The following NRDC variants were observed in gnomAD, a reference collection of about 807,000 sequenced individuals.
NRDC encodes nardilysin convertase.
NRDC carries 54 observed loss-of-function variants against 147.1 expected under a neutral mutation model. The ratio of observed to expected loss-of-function variants is 0.37; its 90% CI spans 0.29 to 0.46. The LOEUF is 0.46. Ranked by LOEUF, NRDC falls within the 20% of genes least tolerant of loss-of-function variation. NRDC has a pLI of 1.00. For missense variants in NRDC, 1,082 were observed against 1,370.6 expected (o/e 0.79, Z 3.33); for synonymous variants, 440 against 482.1 (o/e 0.91, Z 1.14).
At chr1:51,806,479 G>A (rs1024628572) in intron 18 of NRDC, among the ~76,000 whole-genome samples, 2 of 152,114 alleles carry the variant, frequency 1.3e-5, no homozygotes, top group African/African-American at 4.8e-5. Flanking sequence ...GGATTTCTGT[G>A]ACAGCATAGG....
chr1:51,830,234 A>G (rs796854561), intron 4 of NRDC, among the ~76,000 whole-genome samples: 3 of 152,278 alleles, frequency 2.0e-5, no homozygotes, highest in African/African-American at 7.2e-5. Flanking sequence ...AAGTGCTGAG[A>G]TTACAGGCAT....
intron 25 of NRDC, 131 bp downstream of exon 25, chr1:51,792,246 A>G: frequency 3.0e-6 from 4 of 1,324,832 alleles, no homozygotes; most frequent in Non-Finnish European, 4.3e-6. Context: ...GGGTGAGAAC[A>G]GTAAATGACC....
chr1:51,825,963 A>G (rs1187933685), intron 5 of NRDC, among the ~76,000 whole-genome samples: 2 of 152,220 alleles, frequency 1.3e-5, no homozygotes, highest in African/African-American at 4.8e-5. Flanking sequence ...TCATGAATGG[A>G]TTAGTCCCTT....
rs1680139550 is a variant in NRDC, at chr1:51,819,953, G to A, written c.1218-80C>T. ...TATCTTTAGGGATATCTAACTGAGAGATATTTATAATCTATTCTACATACT... is the reference window on the plus strand; with the variant it reads ...TATCTTTAGGGATATCTAACTGAGAAATATTTATAATCTATTCTACATACT... On this transcript the variant is annotated intron_variant, in intron 8 of 30. Coordinates refer to ENST00000352171, the MANE Select transcript of NRDC (RefSeq NM_001101662.2). The A allele has an allele frequency of 2.8e-6, 3 of 1,055,962 alleles. No homozygotes were observed. The Admixed American group carries it at 6.2e-5, about 22-fold the overall frequency. 65.4% of individuals were successfully genotyped at this position (1,055,962 alleles called of 1,614,324 possible). A position where few individuals can be genotyped will look rare whatever the true frequency, so the allele number is the denominator to read the frequency against.
chr1:51,836,414 T>C (rs1403875348), intron 2 of NRDC: 1 of 1,613,874 alleles, frequency 6.2e-7, no homozygotes. Flanking sequence ...CTTGCCATCC[T>C]GCCAAATGCT....
chr1:51,795,036 G>C lies in NRDC; in HGVS notation c.2605-182C>G, dbSNP rs749012219. 121 of 1,467,458 alleles carry C rather than the reference G, an allele frequency of 8.2e-5. 1 individual carries two copies. The highest frequency in any genetic ancestry group is 1.1e-4 in the Non-Finnish European group (117 of 1,104,502). 90.9% of individuals were successfully genotyped at this position (1,467,458 alleles called of 1,614,324 possible). ...CTGATTCAAGATTGATTGTGTTTGT[G>C]GAACACTAAGCAGCTCTTAACTGTT... On this transcript the variant is annotated intron_variant, in intron 22 of 30. Transcript: ENST00000352171.
intron 1 of NRDC, among the ~76,000 whole-genome samples, chr1:51,852,982 G>T (rs959453910): frequency 7.2e-5 from 11 of 152,018 alleles, no homozygotes; most frequent in Admixed American, 2.6e-4. Flanking sequence ...CCAGCACTTT[G>T]GGAGGCCGAG....
intron 1 of NRDC, among the ~76,000 whole-genome samples, chr1:51,874,536 G>A (rs1290231212): frequency 6.6e-6 from 1 of 152,136 alleles, no homozygotes; most frequent in Non-Finnish European, 1.5e-5. Flanking sequence ...CTAAGCCTGG[G>A]AGGTCGAGGC....
chr1:51,825,409 A>G lies in NRDC; in HGVS notation c.941-27T>C, dbSNP rs72900074. The G allele has an allele frequency of 2.8e-3, 4,225 of 1,517,094 alleles. 113 individuals carry two copies. In the African/African-American group the frequency reaches 0.053, roughly 19 times the overall value. The allele number at this position is 1,517,094 out of a possible 1,614,324, so 94.0% of individuals were successfully genotyped here. On this transcript the variant is annotated intron_variant, in intron 5 of 30. Coordinates refer to ENST00000352171, the MANE Select transcript of NRDC (RefSeq NM_001101662.2). ...TGTCAATTTTAAATAAACACATAATAAAACAAAATTCAGTATCTCCTTTAT... is the reference window on the plus strand; with the variant it reads ...TGTCAATTTTAAATAAACACATAATGAAACAAAATTCAGTATCTCCTTTAT...
chr1:51,795,267 T>TA (rs1182043139), intron 22 of NRDC: 127 of 1,200,816 alleles, frequency 1.1e-4, no homozygotes, highest in Non-Finnish European at 1.4e-4. Flanking sequence ...CTTCCCTTCT[T>TA]AAGAATTCTG....
Position 51,803,963 on chromosome 1 carries a change from C to T in NRDC, c.2164G>A (p.Val722Met). The change falls in exon 20 of 31, where the codon GTG becomes ATG. Residue 722 changes from valine to methionine, a missense_variant and splice_region_variant. Physicochemically the swap from Val to Met is conservative, Grantham distance 21. Transcript: ENST00000352171. Reference sequence around the variant, plus strand: ...TTGACAAAGATATCAAAGAGGACCACACTAAGAAGTACAAAATGCAAATGG... The same window carrying T: ...TTGACAAAGATATCAAAGAGGACCATACTAAGAAGTACAAAATGCAAATGG... Reference protein sequence around the residue: ...SPLIQKSAANVVLFDIFVNIL... With the variant: ...SPLIQKSAANMVLFDIFVNIL... 1.3e-6 allele frequency: 2 copies of T among 1,580,644 alleles called. No homozygotes were observed. The highest frequency in any genetic ancestry group is 1.2e-5 in the South Asian group (1 of 85,112).
intron 20 of NRDC, 124 bp downstream of exon 20, chr1:51,803,690 G>GCT (rs1486063702): frequency 2.8e-6 from 2 of 712,870 alleles, no homozygotes; most frequent in African/African-American, 3.6e-5. Context: ...CATCAGCCAA[G>GCT]AATATTCAAG....
chr1:51,846,676 G>A (rs1435132344), intron 1 of NRDC, among the ~76,000 whole-genome samples: 7 of 152,232 alleles, frequency 4.6e-5, no homozygotes, highest in African/African-American at 9.6e-5. Context: ...AAGGTAGTGA[G>A]AACCCAAAAA....
At chr1:51,819,901 T>G in intron 8 of NRDC, 28 bp from the exon 9 acceptor site, 1 of 1,557,426 alleles carries the variant, frequency 6.4e-7, no homozygotes, top group Non-Finnish European at 8.8e-7. Context: ...ACATACAAAT[T>G]TAACTGGCAA....
intron 1 of NRDC, among the ~76,000 whole-genome samples, chr1:51,869,602 A>G (rs956176091): frequency 1.3e-5 from 2 of 152,212 alleles, no homozygotes; most frequent in African/African-American, 2.4e-5. Flanking sequence ...CCTTTTTTAT[A>G]GCTATGTATT....
At chr1:51,828,165 A>G (rs1332736069) in intron 4 of NRDC, among the ~76,000 whole-genome samples, 1 of 152,224 alleles carries the variant, frequency 6.6e-6, no homozygotes, top group Non-Finnish European at 1.5e-5. Context: ...ACACTCTAGA[A>G]GCACCCAGCT....
At chr1:51,799,992 T>G (rs545974015) in intron 21 of NRDC, among the ~76,000 whole-genome samples, 3 of 152,340 alleles carry the variant, frequency 2.0e-5, no homozygotes, top group Non-Finnish European at 4.4e-5. Context: ...TGTTTTTCTA[T>G]GAGACAGGGT....
intron 1 of NRDC, among the ~76,000 whole-genome samples, chr1:51,874,347 T>G (rs756841463): frequency 5.9e-5 from 9 of 151,996 alleles, no homozygotes; most frequent in Non-Finnish European, 1.3e-4. Flanking sequence ...GTGCAGTGGC[T>G]CACCTGTGCC....
intron 17 of NRDC, among the ~76,000 whole-genome samples, chr1:51,808,208 C>T (rs1249161473): frequency 3.3e-5 from 5 of 152,130 alleles, no homozygotes; most frequent in East Asian, 1.9e-4. Context: ...AATACATTCA[C>T]GATGTTGTGC....
Sources: gnomAD v4.1 joint callset for allele counts (sites outside exome capture counted in the v4.1 genomes callset) on GRCh38, gnomAD v4.1.1 for gene constraint, MANE v1.5 for transcripts, NCBI Gene and HGNC (gene_info 2026-07-23, HGNC 2026-07-21) for gene names.